Variants in CACNA1E observed in about 807,000 individuals in gnomAD.
CACNA1E encodes the protein calcium voltage-gated channel subunit alpha1 E.
A neutral mutation model predicts 259.2 loss-of-function variants in CACNA1E; 40 were observed. The ratio of observed to expected loss-of-function variants is 0.15; its 90% CI spans 0.12 to 0.20. CACNA1E has a LOEUF of 0.20. Among genes scored for constraint, CACNA1E ranks in the 10% least tolerant of loss-of-function variants. CACNA1E has a pLI of 1.00. For synonymous variants in CACNA1E, 1,104 were observed against 1,138.5 expected, an observed-to-expected ratio of 0.97 and a Z score of 0.61; for missense variants, 1,874 against 3,040.1, an observed-to-expected ratio of 0.62 and a Z score of 9.02.
In CACNA1E at chr1:181,762,564, C is replaced by A; in HGVS notation, c.4606-10C>A. 2 of 1,539,776 alleles carry A rather than the reference C, an allele frequency of 1.3e-6. No homozygotes were observed. Among genetic ancestry groups the A allele is most frequent in the Non-Finnish European group, 9.0e-7 (1 of 1,115,822 alleles). The stretch of plus-strand genomic sequence containing the variant: ...TTTCTGATGTTCCTATGACTGAATT[C>A]ATTTGGCAGAACTATTTCCGAGACA... On this transcript the variant is annotated splice_polypyrimidine_tract_variant and intron_variant, in intron 32 of 47. Transcript: ENST00000367573.
chr1:181,776,219 G>T lies in CACNA1E; in HGVS notation c.5258G>T (p.Arg1753Leu). The change falls in exon 38 of 48, where the codon CGA becomes CTA. Residue 1753 changes from arginine to leucine, a missense_variant. By Grantham distance (102) the Arg-to-Leu change is moderately radical. Coordinates refer to ENST00000367573, the MANE Select transcript of CACNA1E (RefSeq NM_001205293.3). This position sits in a 1 kb window ranked among gnomAD's most constrained non-coding sequence, Gnocchi z 4.4. Reference sequence around the variant, plus strand: ...GTCCGCGTCTGGGCAGAATATGACCGAGCAGCATGGTGCGTAGGCCCCTCG... The same window carrying T: ...GTCCGCGTCTGGGCAGAATATGACCTAGCAGCATGGTGCGTAGGCCCCTCG... The part of the protein sequence containing the change: ...EFVRVWAEYD[R>L]AACGRIHYTE... The T allele has an allele frequency of 6.2e-7, 1 of 1,613,968 alleles. No homozygotes were observed. Among genetic ancestry groups the T allele is most frequent in the Non-Finnish European group, 8.5e-7 (1 of 1,179,848 alleles).
intron 1 of CACNA1E, among the ~76,000 whole-genome samples, chr1:181,398,648 T>A (rs1297897661): frequency 2.0e-5 from 3 of 152,336 alleles, no homozygotes; most frequent in African/African-American, 7.2e-5. Context: ...CCTCCCTCCA[T>A]GAGCTAAAGG....
chr1:181,572,302 G>A (rs1430109634), intron 3 of CACNA1E, among the ~76,000 whole-genome samples: 1 of 152,242 alleles, frequency 6.6e-6, no homozygotes, highest in Non-Finnish European at 1.5e-5. Flanking sequence ...TCTGTCTTCT[G>A]TTCTGCTGTG....
intron 43 of CACNA1E, among the ~76,000 whole-genome samples, chr1:181,787,934 A>T (rs1226679250): frequency 6.6e-6 from 1 of 152,246 alleles, no homozygotes; most frequent in African/African-American, 2.4e-5. Context: ...CATTATAAGC[A>T]GGATAAAGAA....
intron 2 of CACNA1E, among the ~76,000 whole-genome samples, chr1:181,447,469 T>C (rs999376998): frequency 2.0e-5 from 3 of 151,786 alleles, no homozygotes; most frequent in African/African-American, 7.3e-5. Context: ...AGTTCAAGGC[T>C]GCAGTGAGAT....
In CACNA1E at chr1:181,798,268, T is replaced by C; in HGVS notation, c.6400-24T>C. The C allele has an allele frequency of 6.4e-7, 1 of 1,555,020 alleles. No homozygotes were observed. The highest frequency in any genetic ancestry group is 8.7e-7 in the Non-Finnish European group (1 of 1,149,598). On this transcript the variant is annotated intron_variant, in intron 47 of 47. Transcript: ENST00000367573. This position sits in a 1 kb window ranked among gnomAD's most constrained non-coding sequence, Gnocchi z 4.2. ...GGATCATGCCAAGCCCAATCTAACA[T>C]GCCATGTCTCTCCTGCTATACAGGG...
chr1:181,363,398 G>C (rs915637754), intron 1 of CACNA1E, among the ~76,000 whole-genome samples: 2 of 152,330 alleles, frequency 1.3e-5, no homozygotes, highest in Middle Eastern at 3.4e-3. Flanking sequence ...GAAAATAGTG[G>C]AAACTAAATT....
At chr1:181,741,058 T>C (rs1656525600) in intron 25 of CACNA1E, among the ~76,000 whole-genome samples, 1 of 152,264 alleles carries the variant, frequency 6.6e-6, no homozygotes, top group Non-Finnish European at 1.5e-5. Context: ...TTCATTTTAC[T>C]AATTCATTTG....
chr1:181,750,442 A>C, intron 25 of CACNA1E, 34 bp from the exon 26 acceptor site: 1 of 1,609,378 alleles, frequency 6.2e-7, no homozygotes, highest in South Asian at 1.1e-5. Flanking sequence ...TTTTATTTTG[A>C]TTTTCTACTG....
At chr1:181,399,959 C>G (rs1018670427) in intron 1 of CACNA1E, among the ~76,000 whole-genome samples, 2 of 152,180 alleles carry the variant, frequency 1.3e-5, no homozygotes, top group Non-Finnish European at 2.9e-5. Flanking sequence ...AGGTGAGGCC[C>G]TAAGTGGTAA....
rs58647206 is a variant in CACNA1E, at chr1:181,491,500, T to C, written c.266+7490T>C. On this transcript the variant is annotated intron_variant, in intron 1 of 47. Coordinates refer to ENST00000367573, the MANE Select transcript of CACNA1E (RefSeq NM_001205293.3). ...AGAACCATTGCTGTACATGGTTTTG[T>C]TATCTGCCTGGCAATGCCTTTCTAG... Among the ~76,000 whole-genome samples the C allele has an allele frequency of 1.9e-3, 284 of 152,344 alleles. 2 individuals are homozygous for C. Among genetic ancestry groups the C allele is most frequent in the African/African-American group, 6.6e-3 (274 of 41,578 alleles).
chr1:181,696,235 T>C (rs1651694392), intron 7 of CACNA1E, among the ~76,000 whole-genome samples: 1 of 152,024 alleles, frequency 6.6e-6, no homozygotes, highest in African/African-American at 2.4e-5. Context: ...TTTTTTGACC[T>C]TGGAGATTTC....
At chr1:181,573,652 A>G (rs910333882) in intron 3 of CACNA1E, among the ~76,000 whole-genome samples, 1 of 152,246 alleles carries the variant, frequency 6.6e-6, no homozygotes, top group South Asian at 2.1e-4. Flanking sequence ...TGGTAGAGAA[A>G]TAGGAATGCT....
At chr1:181,319,711 T>C (rs1650197245) in intron 1 of CACNA1E, among the ~76,000 whole-genome samples, 1 of 152,206 alleles carries the variant, frequency 6.6e-6, no homozygotes, top group Non-Finnish European at 1.5e-5. Context: ...CAATGAAGAC[T>C]CCCATGCAGA....
At chr1:181,491,588 A>G (rs1664323054) in intron 1 of CACNA1E, among the ~76,000 whole-genome samples, 1 of 152,232 alleles carries the variant, frequency 6.6e-6, no homozygotes, top group Admixed American at 6.5e-5. Context: ...TTTACCAGCT[A>G]AAGCCCTGCT....
At chr1:181,602,431 C>T (rs1653834660) in intron 6 of CACNA1E, among the ~76,000 whole-genome samples, 1 of 152,086 alleles carries the variant, frequency 6.6e-6, no homozygotes, top group Non-Finnish European at 1.5e-5. Flanking sequence ...ATCTGAAATG[C>T]TCCAATGAGC....
In CACNA1E at chr1:181,577,991, G is replaced by A. The variant is rs943073727; in HGVS notation, c.616+122G>A. ...TTCCTCCTGGGAGGAAGCCTCAGTG[G>A]TAATAAATAGTGGAGATGGAGCAAT... On this transcript the variant is annotated intron_variant, in intron 4 of 47. Transcript: ENST00000367573. 4 of 572,598 alleles carry A rather than the reference G, an allele frequency of 7.0e-6. No individual in the cohort carries two copies. In the African/African-American group the frequency reaches 7.6e-5, roughly 11 times the overall value. 35.5% of individuals were successfully genotyped at this position (572,598 alleles called of 1,614,324 possible).
intron 25 of CACNA1E, among the ~76,000 whole-genome samples, chr1:181,741,665 C>T: frequency 6.6e-6 from 1 of 152,186 alleles, no homozygotes; most frequent in Non-Finnish European, 1.5e-5. Flanking sequence ...GCCCATTGTC[C>T]ACAGTCCAGA....
chr1:181,612,769 T>C (rs1654864378), intron 6 of CACNA1E, among the ~76,000 whole-genome samples: 1 of 152,224 alleles, frequency 6.6e-6, no homozygotes, highest in Non-Finnish European at 1.5e-5. Context: ...AGATACCCCC[T>C]CCTTCAGTTT....
Sources: gnomAD v4.1 joint callset for allele counts (sites outside exome capture counted in the v4.1 genomes callset) on GRCh38, gnomAD v4.1.1 for gene constraint, Gnocchi (gnomAD v3.1) non-coding constraint, MANE v1.5 for transcripts, NCBI Gene and HGNC (gene_info 2026-07-23, HGNC 2026-07-21) for gene names.